Variants in ARHGAP10 observed in about 807,000 individuals in gnomAD.
ARHGAP10 encodes the protein rho GTPase-activating protein 10.
Under a neutral mutation model 108.6 loss-of-function variants are expected in ARHGAP10, and 87 were observed. That is an observed-to-expected ratio of 0.80 (90% CI 0.67 to 0.96). The LOEUF (loss-of-function observed/expected upper bound fraction) is 0.96, where lower values mean the gene tolerates loss of function less well. Among genes scored for constraint, ARHGAP10 ranks in the 40% least tolerant of loss-of-function variants. ARHGAP10 has a pLI of 0.00. For missense variants in ARHGAP10, 939 were observed against 954.5 expected (o/e 0.98, Z 0.21); for synonymous variants, 347 against 341.1 (o/e 1.02, Z -0.19).
intron 18 of ARHGAP10, among the ~76,000 whole-genome samples, chr4:148,018,780 A>G (rs1741451030): frequency 6.6e-6 from 1 of 152,202 alleles, no homozygotes; most frequent in African/African-American, 2.4e-5. Context: ...TAAACCTATA[A>G]TATTTTTATA....
intron 18 of ARHGAP10, among the ~76,000 whole-genome samples, chr4:147,969,367 C>T (rs1342861210): frequency 1.6e-5 from 2 of 122,484 alleles, no homozygotes; most frequent in African/African-American, 6.8e-5. Context: ...TGAATTTATG[C>T]CTCCTTTTAT....
intron 22 of ARHGAP10, among the ~76,000 whole-genome samples, chr4:148,070,411 C>T (rs1018415610): frequency 6.6e-6 from 1 of 152,184 alleles, no homozygotes; most frequent in East Asian, 1.9e-4. Flanking sequence ...GGCGGTTAGT[C>T]TGCAGACAGC....
intron 18 of ARHGAP10, among the ~76,000 whole-genome samples, chr4:147,985,979 T>C (rs1042678793): frequency 6.6e-6 from 1 of 152,208 alleles, no homozygotes. Context: ...CTCTGGAGTC[T>C]GGGGTGTCCT....
At chr4:147,784,831 A>AAT (rs70958585) in intron 1 of ARHGAP10, among the ~76,000 whole-genome samples, 39,762 of 54,130 alleles carry the variant, frequency 0.73, 16,855 homozygotes, top group East Asian at 0.89. Context: ...ATATATTATA[A>AAT]ATATATTATA....
chr4:147,900,974 A>G (rs1041616018), intron 10 of ARHGAP10, among the ~76,000 whole-genome samples: 1 of 152,112 alleles, frequency 6.6e-6, no homozygotes, highest in Non-Finnish European at 1.5e-5. Flanking sequence ...ATACTTTGCA[A>G]AGTTTTCTGT....
At chr4:147,810,560 G>T (rs559300472) in intron 1 of ARHGAP10, among the ~76,000 whole-genome samples, 20 of 152,216 alleles carry the variant, frequency 1.3e-4, no homozygotes, top group East Asian at 1.9e-4. Context: ...AATTCTGGAA[G>T]TGGTGGTGCA....
intron 1 of ARHGAP10, among the ~76,000 whole-genome samples, chr4:147,772,457 G>A (rs1280798762): frequency 1.3e-5 from 2 of 152,180 alleles, no homozygotes; most frequent in African/African-American, 2.4e-5. Flanking sequence ...TAGGATAGGC[G>A]AGTGAGAAAG....
chr4:147,777,033 G>A (rs1024259153), intron 1 of ARHGAP10, among the ~76,000 whole-genome samples: 3 of 152,206 alleles, frequency 2.0e-5, no homozygotes, highest in Admixed American at 1.3e-4. Context: ...ATGACTGGGC[G>A]TGTCCTGGCA....
chr4:147,792,070 C>T (rs1433526470), intron 1 of ARHGAP10, among the ~76,000 whole-genome samples: 1 of 152,320 alleles, frequency 6.6e-6, no homozygotes, highest in East Asian at 1.9e-4. Context: ...AGCACGTGAG[C>T]GTCTTTCACT....
chr4:148,026,578 G>A (rs1406459305), intron 19 of ARHGAP10, among the ~76,000 whole-genome samples: 1 of 152,144 alleles, frequency 6.6e-6, no homozygotes, highest in Non-Finnish European at 1.5e-5. Flanking sequence ...GCAAAAGACT[G>A]TAAAATTCTA....
chr4:147,811,395 G>A (rs1732012337), intron 1 of ARHGAP10, among the ~76,000 whole-genome samples: 1 of 152,164 alleles, frequency 6.6e-6, no homozygotes, highest in South Asian at 2.1e-4. Context: ...GTCTACCTGA[G>A]GCATGTGATT....
intron 19 of ARHGAP10, among the ~76,000 whole-genome samples, chr4:148,042,712 A>G (rs570436932): frequency 5.0e-4 from 76 of 152,282 alleles, no homozygotes; most frequent in African/African-American, 1.7e-3. Context: ...TACTCTGGGC[A>G]TCTTTGGGTT....
intron 3 of ARHGAP10, among the ~76,000 whole-genome samples, chr4:147,839,755 C>T (rs1733336216): frequency 6.6e-6 from 1 of 152,182 alleles, no homozygotes; most frequent in South Asian, 2.1e-4. Context: ...TTATTCTCAA[C>T]AGATTTTTTA....
intron 18 of ARHGAP10, among the ~76,000 whole-genome samples, chr4:148,002,253 G>C (rs957020332): frequency 2.6e-5 from 4 of 152,162 alleles, no homozygotes; most frequent in Non-Finnish European, 5.9e-5. Flanking sequence ...TTGCATCCCA[G>C]GGATGAAGTC....
chr4:147,890,116 G>A (rs1735738416), intron 10 of ARHGAP10, among the ~76,000 whole-genome samples: 1 of 152,184 alleles, frequency 6.6e-6, no homozygotes, highest in South Asian at 2.1e-4. Flanking sequence ...CCATTGGCTG[G>A]AATGGAGTTA....
At chr4:147,734,979 C>T (rs918865488) in intron 1 of ARHGAP10, among the ~76,000 whole-genome samples, 17 of 152,220 alleles carry the variant, frequency 1.1e-4, no homozygotes, top group African/African-American at 4.1e-4. Context: ...TTTAATTGCC[C>T]TGCACGGTGT....
At chr4:147,807,860 G>T (rs1339429555) in intron 1 of ARHGAP10, among the ~76,000 whole-genome samples, 1 of 152,224 alleles carries the variant, frequency 6.6e-6, no homozygotes, top group African/African-American at 2.4e-5. Context: ...ACTGGAGCCT[G>T]AATTGTATTA....
intron 10 of ARHGAP10, among the ~76,000 whole-genome samples, chr4:147,899,343 GTC>G (rs1379273211): frequency 1.3e-5 from 2 of 148,318 alleles, no homozygotes; most frequent in Non-Finnish European, 2.9e-5. Flanking sequence ...GTGTGTGTGT[GTC>G]TGTGTCTGTG....
Position 147,857,616 on chromosome 4 carries a change from A to G in ARHGAP10, c.448A>G (p.Asn150Asp). 6.7e-7 allele frequency: 1 copy of G among 1,498,746 alleles called. No individual in the cohort carries two copies. The highest frequency in any genetic ancestry group is 1.4e-5 in the South Asian group (1 of 73,146). 92.8% of individuals were successfully genotyped at this position (1,498,746 alleles called of 1,614,324 possible). The change falls in exon 5 of 23, where the codon AAT (asparagine) becomes GAT (aspartate). Residue 150 changes from asparagine to aspartate, a missense_variant. By Grantham distance (23) the Asn-to-Asp change is conservative. Coordinates refer to ENST00000336498, the MANE Select transcript of ARHGAP10 (RefSeq NM_024605.4). ...KNYSLIDKHLNLSAKKKDSHL... is the reference protein window; with the variant it reads ...KNYSLIDKHLDLSAKKKDSHL... ...TTATAGTCTAATTGATAAACATTTG[A>G]ATTTATCAGCAAAAAAGAAAGACTC...
Sources: gnomAD v4.1 joint callset for allele counts (sites outside exome capture counted in the v4.1 genomes callset) on GRCh38, gnomAD v4.1.1 for gene constraint, MANE v1.5 for transcripts, NCBI Gene and HGNC (gene_info 2026-07-23, HGNC 2026-07-21) for gene names.